GABRR1: variants seen among roughly 807,000 people sequenced by gnomAD.
The protein encoded by GABRR1 is gamma-aminobutyric acid receptor subunit rho-1.
A neutral mutation model predicts 55.5 loss-of-function variants in GABRR1; 59 were observed. The observed-to-expected ratio is 1.06, with a 90% CI of 0.86 to 1.32. The LOEUF is 1.32. Ranked by LOEUF, GABRR1 falls within the 40% of genes most tolerant of loss-of-function variation. The probability of loss-of-function intolerance (pLI) is 0.00; values close to 1 mark genes in which losing one functional copy is unlikely to be tolerated. For missense variants in GABRR1, 602 were observed against 619.1 expected (o/e 0.97, Z 0.29); for synonymous variants, 213 against 226.0 (o/e 0.94, Z 0.51).
At chr6:89,204,656 C>A (rs1462279297) in intron 1 of GABRR1, 1 of 1,287,276 alleles carries the variant, frequency 7.8e-7, no homozygotes. Flanking sequence ...TTGTCAAATT[C>A]TGAGATGCCA....
chr6:89,187,351 T>G (rs1027910650), intron 6 of GABRR1, among the ~76,000 whole-genome samples: 3 of 152,180 alleles, frequency 2.0e-5, no homozygotes, highest in African/African-American at 7.2e-5. Flanking sequence ...ATAATTAAAA[T>G]TATACTACAT....
intron 1 of GABRR1, among the ~76,000 whole-genome samples, chr6:89,225,166 G>T (rs1168675745): frequency 6.6e-6 from 1 of 151,822 alleles, no homozygotes; most frequent in Non-Finnish European, 1.5e-5. Context: ...TGAGTGATGA[G>T]AATCCAGTTT....
rs1260903317 is a variant in GABRR1, at chr6:89,178,774, G to C, written c.1436C>G (p.Ser479Cys). Residue 479 changes from serine to cysteine, a missense_variant, in exon 10 of 10, where the codon TCC becomes TGC. Transcript: ENST00000454853. ...LFNLIYWSIF[S>C] ...AATTTGTAGAATTACAAGCATCTAG[G>C]AGAAAATAGACCAGTATATTAAATT... 2 of 1,609,626 alleles carry C rather than the reference G, an allele frequency of 1.2e-6. No individual in the cohort carries two copies. The highest frequency in any genetic ancestry group is 1.7e-6 in the Non-Finnish European group (2 of 1,175,978).
intron 7 of GABRR1, among the ~76,000 whole-genome samples, chr6:89,184,434 G>A (rs1447189258): frequency 1.3e-5 from 2 of 151,962 alleles, no homozygotes; most frequent in African/African-American, 2.4e-5. Flanking sequence ...AACAGGAGGG[G>A]GTGAGCCTGT....
At chr6:89,222,776 TC>T (rs1773132151) in intron 1 of GABRR1, among the ~76,000 whole-genome samples, 1 of 152,164 alleles carries the variant, frequency 6.6e-6, no homozygotes, top group Admixed American at 6.5e-5. Flanking sequence ...AATGAAATTT[TC>T]ATGATTGATG....
At chr6:89,217,172 A>C in intron 1 of GABRR1, 29 bp downstream of exon 1, 6 of 1,611,004 alleles carry the variant, frequency 3.7e-6, no homozygotes, top group Non-Finnish European at 4.2e-6. Flanking sequence ...CTCTTTTCCT[A>C]AATCCTCTAT....
intron 1 of GABRR1, among the ~76,000 whole-genome samples, chr6:89,206,859 C>A (rs183745728): frequency 6.6e-6 from 1 of 152,216 alleles, no homozygotes; most frequent in East Asian, 1.9e-4. Flanking sequence ...TTCAAGGGAT[C>A]CTCCCGCTTC....
intron 5 of GABRR1, among the ~76,000 whole-genome samples, chr6:89,196,857 A>AAGAC (rs1772304391): frequency 7.3e-6 from 1 of 137,048 alleles, no homozygotes; most frequent in Non-Finnish European, 1.6e-5. Context: ...GAAAGAAAGA[A>AAGAC]AGAAAGAAAG....
At chr6:89,211,769 C>T (rs1772840629) in intron 1 of GABRR1, among the ~76,000 whole-genome samples, 1 of 152,150 alleles carries the variant, frequency 6.6e-6, no homozygotes, top group African/African-American at 2.4e-5. Context: ...AAAAATGGGC[C>T]TCTTAACATC....
intron 5 of GABRR1, among the ~76,000 whole-genome samples, chr6:89,196,423 C>T (rs1772274025): frequency 6.6e-6 from 1 of 151,964 alleles, no homozygotes; most frequent in Non-Finnish European, 1.5e-5. Flanking sequence ...TTGGTGGTGC[C>T]ATTGAGTTGT....
intron 1 of GABRR1, among the ~76,000 whole-genome samples, chr6:89,230,804 C>G (rs1003657556): frequency 6.6e-6 from 1 of 151,828 alleles, no homozygotes; most frequent in East Asian, 1.9e-4. Flanking sequence ...GTTCGAGCTT[C>G]CCAGCTGCTT....
At chr6:89,229,315 C>G (rs1773246002) in intron 1 of GABRR1, among the ~76,000 whole-genome samples, 1 of 151,358 alleles carries the variant, frequency 6.6e-6, no homozygotes, top group Non-Finnish European at 1.5e-5. Flanking sequence ...ATGATGTTAG[C>G]TGGTGATTTT....
At chr6:89,195,435 C>G (rs1772232688) in intron 5 of GABRR1, among the ~76,000 whole-genome samples, 1 of 151,898 alleles carries the variant, frequency 6.6e-6, no homozygotes, top group African/African-American at 2.4e-5. Flanking sequence ...TGCACTCCAG[C>G]CTGGGCAGCA....
chr6:89,217,282 A>G lies in GABRR1; in HGVS notation c.41T>C (p.Leu14Ser). ...VPNMRFGIFL[L>S]WWGWVLATES... ...AGTGGCCAAAACCCATCCCCACCAC[A>G]AAAGAAAGATGCCAAATCTCATATT... The change falls in exon 1 of 10, where the codon TTG becomes TCG. Residue 14 changes from leucine to serine, a missense_variant. By Grantham distance (145) the Leu-to-Ser change is moderately radical (BLOSUM62 -2). Coordinates refer to ENST00000454853, the MANE Select transcript of GABRR1 (RefSeq NM_002042.5). 6.2e-7 allele frequency: 1 copy of G among 1,614,180 alleles called. No individual in the cohort carries two copies. The highest frequency in any genetic ancestry group is 1.1e-5 in the South Asian group (1 of 91,082).
chr6:89,230,034 C>T (rs1422029620), intron 1 of GABRR1, among the ~76,000 whole-genome samples: 6 of 124,778 alleles, frequency 4.8e-5, no homozygotes, highest in African/African-American at 1.2e-4. Flanking sequence ...TGCTGATACC[C>T]TTTCTTCCAG....
chr6:89,196,834 A>G (rs550416472), intron 5 of GABRR1, among the ~76,000 whole-genome samples: 1 of 96,546 alleles, frequency 1.0e-5, no homozygotes, highest in South Asian at 3.1e-4. Context: ...AAAGAAAGAA[A>G]GAAAGAAAGA....
intron 2 of GABRR1, among the ~76,000 whole-genome samples, chr6:89,202,361 G>A (rs996130222): frequency 2.6e-5 from 4 of 151,256 alleles, no homozygotes; most frequent in African/African-American, 4.9e-5. Flanking sequence ...GTGTGATCTC[G>A]GCTCACTGCA....
At chr6:89,225,329 A>G (rs1164238043) in intron 1 of GABRR1, among the ~76,000 whole-genome samples, 1 of 142,376 alleles carries the variant, frequency 7.0e-6, no homozygotes, top group Non-Finnish European at 1.5e-5. Flanking sequence ...TTAGTTACAT[A>G]TGTATACATG....
upstream of GABRR1, among the ~76,000 whole-genome samples, chr6:89,218,284 C>T (rs1773054529): frequency 1.3e-5 from 2 of 152,118 alleles, no homozygotes; most frequent in African/African-American, 4.8e-5. Flanking sequence ...AGCGGTTTCA[C>T]ACAACTGCTA....
Sources: allele counts gnomAD v4.1 joint callset (sites outside exome capture counted in the v4.1 genomes callset), GRCh38; gene constraint gnomAD v4.1.1; transcripts MANE v1.5; gene names NCBI Gene and HGNC (gene_info 2026-07-23, HGNC 2026-07-21).